Variants in SLAMF7 observed in about 807,000 individuals in gnomAD.
SLAMF7 encodes the protein SLAM family member 7.
Under a neutral mutation model 34.1 loss-of-function variants are expected in SLAMF7, and 26 were observed. The observed-to-expected ratio is 0.76, with a 90% CI of 0.56 to 1.06. The LOEUF (loss-of-function observed/expected upper bound fraction) is 1.06, where lower values mean the gene tolerates loss of function less well. Among genes scored for constraint, SLAMF7 ranks in the 50% least tolerant of loss-of-function variants. The pLI, the probability that SLAMF7 is intolerant of heterozygous loss-of-function variation, is 0.00. For missense variants in SLAMF7, 399 were observed against 402.5 expected, an observed-to-expected ratio of 0.99 and a Z score of 0.07; for synonymous variants, 171 against 156.4, an observed-to-expected ratio of 1.09 and a Z score of -0.70.
At chr1:160,747,771 G>A (rs761010949) in intron 1 of SLAMF7, among the ~76,000 whole-genome samples, 1 of 152,196 alleles carries the variant, frequency 6.6e-6, no homozygotes, top group Non-Finnish European at 1.5e-5. Flanking sequence ...TTCTCTCACT[G>A]CTCTGTGTTA....
chr1:160,752,690 C>T (rs1312699415), intron 6 of SLAMF7, among the ~76,000 whole-genome samples: 4 of 152,186 alleles, frequency 2.6e-5, no homozygotes, highest in Admixed American at 6.5e-5. Context: ...TTTGCACCCT[C>T]CCCTCAGTTA....
chr1:160,744,338 CT>C (rs1304402395), intron 1 of SLAMF7, among the ~76,000 whole-genome samples: 2 of 152,234 alleles, frequency 1.3e-5, no homozygotes, highest in African/African-American at 4.8e-5. Flanking sequence ...AACCTTGCCC[CT>C]GTCCTCTGAA....
intron 1 of SLAMF7, among the ~76,000 whole-genome samples, chr1:160,742,269 C>T (rs1192274680): frequency 6.6e-6 from 1 of 152,184 alleles, no homozygotes; most frequent in African/African-American, 2.4e-5. Flanking sequence ...GCTGACTCCT[C>T]CTGATGCAAA....
intron 6 of SLAMF7, among the ~76,000 whole-genome samples, chr1:160,752,550 G>A (rs1318687911): frequency 1.3e-5 from 2 of 152,166 alleles, no homozygotes; most frequent in African/African-American, 4.8e-5. Context: ...AAAGACCATG[G>A]CTTAGATTGT....
At chr1:160,746,669 A>G (rs114091119) in intron 1 of SLAMF7, among the ~76,000 whole-genome samples, 1,774 of 152,366 alleles carry the variant, frequency 0.012, 28 homozygotes, top group African/African-American at 0.041. Context: ...ATATTTTGAC[A>G]GTTAAGTGCA....
In SLAMF7 at chr1:160,752,260, T is replaced by C. The variant is rs754590848; in HGVS notation, c.936+12T>C. 17 of 1,609,434 alleles carry C rather than the reference T, an allele frequency of 1.1e-5. No individual in the cohort carries two copies. In the South Asian group the frequency reaches 1.3e-4, roughly 13 times the overall value. On this transcript the variant is annotated intron_variant, in intron 6 of 6. Transcript: ENST00000368043. ...AAATACCGAAAAAGGTAAGAAGCTT[T>C]AGAGCTTAACTTCATCTTAATGGTT...
In SLAMF7 at chr1:160,748,301, T is replaced by C. The variant is rs527787222; in HGVS notation, c.163T>C (p.Phe55Leu). ...GCAAGTTGACTCTATTGTCTGGACC[T>C]TCAACACAACCCCTCTTGTCACCAT... Reference protein sequence around the residue: ...VKQVDSIVWTFNTTPLVTIQP... With the variant: ...VKQVDSIVWTLNTTPLVTIQP... The change falls in exon 2 of 7, where the codon TTC becomes CTC. Residue 55 changes from phenylalanine (F) to leucine (L), a missense_variant. By Grantham distance (22) the Phe-to-Leu change is conservative. Transcript: ENST00000368043. The C allele has an allele frequency of 6.8e-6, 11 of 1,614,106 alleles. No homozygotes were observed. The highest frequency in any genetic ancestry group is 8.5e-6 in the Non-Finnish European group (10 of 1,179,974).
chr1:160,739,561 C>T (rs1462748345), intron 1 of SLAMF7: 4 of 501,348 alleles, frequency 8.0e-6, no homozygotes, highest in Non-Finnish European at 1.1e-5. Context: ...GGAACTGACT[C>T]CCCTGTTGAC....
In SLAMF7 at chr1:160,751,327, C is replaced by A. The variant is rs564570572; in HGVS notation, c.770-18C>A. On this transcript the variant is annotated intron_variant, in intron 4 of 6. Coordinates refer to ENST00000368043, the MANE Select transcript of SLAMF7 (RefSeq NM_021181.5). ...TGGTTGGAGAGGTGGCTTTGATTCT[C>A]TCCCAACTTGCTTTTAGAGTACATT... 2 of 1,591,054 alleles carry A rather than the reference C, an allele frequency of 1.3e-6. No individual in the cohort carries two copies. The highest frequency in any genetic ancestry group is 2.2e-5 in the East Asian group (1 of 44,788).
intron 6 of SLAMF7, among the ~76,000 whole-genome samples, chr1:160,752,574 A>G (rs1454506001): frequency 6.6e-6 from 1 of 152,240 alleles, no homozygotes; most frequent in African/African-American, 2.4e-5. Flanking sequence ...TGGAATGAAG[A>G]GAGGAATAGC....
In SLAMF7 at chr1:160,742,849, G is replaced by A. The variant is rs112356727; in HGVS notation, c.55+3493G>A. Among the ~76,000 whole-genome samples, 1,148 of 152,236 alleles carry A rather than the reference G, an allele frequency of 7.5e-3. 18 individuals are homozygous for A. Among genetic ancestry groups the A allele is most frequent in the African/African-American group, 0.027 (1,101 of 41,532 alleles). ...AAGCAGGGCTTAGGCTGTATCTCAC[G>A]GGGCTGTTCTAAGGATCAGGAGAGA... On this transcript the variant is annotated intron_variant, in intron 1 of 6. Transcript: ENST00000368043.
At position 160,753,613 on chromosome 1, in the gene SLAMF7, A is replaced by C. The variant is rs1353080442; in HGVS notation, c.*436A>C. 1 of 176,778 alleles carries C rather than the reference A, an allele frequency of 5.7e-6. No homozygotes were observed. Among genetic ancestry groups the C allele is most frequent in the East Asian group, 1.6e-4 (1 of 6,416 alleles). 11.0% of individuals were successfully genotyped at this position (176,778 alleles called of 1,614,324 possible). On this transcript the variant is annotated 3_prime_UTR_variant, in exon 7 of 7. Transcript: ENST00000368043. The stretch of plus-strand genomic sequence containing the variant: ...TGCTACCAGGAGGGCAAGAAGACCA[A>C]AACAGACAGACAAGTCCAGCAGAAG...
intron 4 of SLAMF7, 64 bp downstream of exon 4, chr1:160,750,487 A>G: frequency 6.3e-7 from 1 of 1,575,088 alleles, no homozygotes; most frequent in East Asian, 2.2e-5. Context: ...TGATTCAACA[A>G]GCACATATAG....
intron 4 of SLAMF7, chr1:160,751,131 A>G: frequency 1.9e-6 from 1 of 537,062 alleles, no homozygotes; most frequent in South Asian, 2.1e-5. Context: ...TGGAGAGATC[A>G]GGAAGTGAAA....
intron 6 of SLAMF7, among the ~76,000 whole-genome samples, chr1:160,752,880 A>C (rs1217693760): frequency 6.6e-6 from 1 of 152,244 alleles, no homozygotes; most frequent in Non-Finnish European, 1.5e-5. Context: ...CAACTGAACA[A>C]GGAAAGTTCA....
At chr1:160,746,775 G>A (rs1396730702) in intron 1 of SLAMF7, among the ~76,000 whole-genome samples, 1 of 151,964 alleles carries the variant, frequency 6.6e-6, no homozygotes, top group African/African-American at 2.4e-5. Context: ...CCCCTTTATG[G>A]GAGTCTTACA....
At position 160,739,934 on chromosome 1, in the gene SLAMF7, C is replaced by T. The variant is rs148612556; in HGVS notation, c.55+578C>T. Among the ~76,000 whole-genome samples the T allele has an allele frequency of 3.9e-3, 596 of 152,256 alleles. 7 individuals carry two copies. Among genetic ancestry groups the T allele is most frequent in the African/African-American group, 0.013 (560 of 41,546 alleles). On this transcript the variant is annotated intron_variant, in intron 1 of 6. Coordinates refer to ENST00000368043, the MANE Select transcript of SLAMF7 (RefSeq NM_021181.5). The stretch of plus-strand genomic sequence containing the variant: ...CCCATGGAGGACAGAGGACAGTTCT[C>T]CACCTGTCACTGGTATTCTAGTCTT...
intron 5 of SLAMF7, 41 bp from the exon 6 acceptor site, chr1:160,752,145 G>C: frequency 6.6e-7 from 1 of 1,506,726 alleles, no homozygotes; most frequent in African/African-American, 1.4e-5. Flanking sequence ...GATTCAGGAG[G>C]TGGGTGATGA....
intron 1 of SLAMF7, among the ~76,000 whole-genome samples, chr1:160,743,237 G>A (rs1663879455): frequency 6.6e-6 from 1 of 152,240 alleles, no homozygotes; most frequent in Non-Finnish European, 1.5e-5. Flanking sequence ...GAGAGGAAGA[G>A]TTGGAGGCTT....
Sources: allele counts gnomAD v4.1 joint callset (sites outside exome capture counted in the v4.1 genomes callset), GRCh38; gene constraint gnomAD v4.1.1; transcripts MANE v1.5; gene names NCBI Gene and HGNC (gene_info 2026-07-23, HGNC 2026-07-21).